CORO2B: variants seen among roughly 807,000 people sequenced by gnomAD.
CORO2B encodes coronin 2B.
A neutral mutation model predicts 58.8 loss-of-function variants in CORO2B; 26 were observed. The observed-to-expected ratio is 0.44, with a 90% CI of 0.32 to 0.61. The LOEUF is 0.61. CORO2B is among the 20% of genes least tolerant of loss of function. CORO2B has a pLI of 0.04. For synonymous variants in CORO2B, 242 were observed against 253.8 expected (o/e 0.95, Z 0.44); for missense variants, 460 against 645.1 (o/e 0.71, Z 3.11).
intron 1 of CORO2B, among the ~76,000 whole-genome samples, chr15:68,609,805 T>C (rs1342863537): frequency 2.0e-5 from 3 of 152,148 alleles, no homozygotes; most frequent in Admixed American, 2.0e-4. Flanking sequence ...ACTGGAGGGC[T>C]GTACAGCAGC....
At chr15:68,573,051 G>A in the CORO2B span, among the ~76,000 whole-genome samples, 11 of 152,114 alleles carry the variant, frequency 7.2e-5, no homozygotes, top group Admixed American at 4.6e-4. Flanking sequence ...AGAGGGGGTC[G>A]GGACCAAGAG....
intron 3 of CORO2B, among the ~76,000 whole-genome samples, chr15:68,701,630 T>C (rs62004273): frequency 0.26 from 39,801 of 150,932 alleles, 5,545 homozygotes; most frequent in African/African-American, 0.34. Flanking sequence ...GGACTACAGG[T>C]GCGCGCCACC....
chr15:68,519,061 A>T, the CORO2B span, among the ~76,000 whole-genome samples: 1 of 152,104 alleles, frequency 6.6e-6, no homozygotes, highest in Non-Finnish European at 1.5e-5. Context: ...GGAGCCCCTG[A>T]CCCAGATGCT....
chr15:68,642,807 G>T (rs1901298719), intron 1 of CORO2B, among the ~76,000 whole-genome samples: 1 of 152,176 alleles, frequency 6.6e-6, no homozygotes, highest in Non-Finnish European at 1.5e-5. Context: ...AGTGAGTCAG[G>T]CCTTAAAGGC....
chr15:68,698,950 AAG>A (rs1424050157), intron 3 of CORO2B, among the ~76,000 whole-genome samples: 1 of 152,068 alleles, frequency 6.6e-6, no homozygotes, highest in Non-Finnish European at 1.5e-5. Context: ...GCACACAGAG[AAG>A]AGAGAGAGAG....
intron 1 of CORO2B, among the ~76,000 whole-genome samples, chr15:68,630,465 G>A (rs1900798640): frequency 6.6e-6 from 1 of 152,104 alleles, no homozygotes; most frequent in East Asian, 1.9e-4. Flanking sequence ...CTAGGCTTGG[G>A]TGGGGCTCTG....
At chr15:68,527,948 A>G in the CORO2B span, among the ~76,000 whole-genome samples, 1 of 152,286 alleles carries the variant, frequency 6.6e-6, no homozygotes, top group South Asian at 2.1e-4. Flanking sequence ...TTGGTAGAGA[A>G]AAACAGCTGA....
At chr15:68,683,663 G>T (rs543781910) in intron 2 of CORO2B, among the ~76,000 whole-genome samples, 122 of 152,174 alleles carry the variant, frequency 8.0e-4, no homozygotes, top group Non-Finnish European at 1.6e-3. Flanking sequence ...CACATTTAAG[G>T]CCTCGAATGC....
At chr15:68,570,019 G>C in the CORO2B span, among the ~76,000 whole-genome samples, 14 of 152,220 alleles carry the variant, frequency 9.2e-5, no homozygotes, top group Non-Finnish European at 1.3e-4. Flanking sequence ...CCTGCAGAGA[G>C]AGGCTACTGT....
chr15:68,646,381 G>T (rs1041296032), intron 2 of CORO2B, among the ~76,000 whole-genome samples: 3 of 152,182 alleles, frequency 2.0e-5, no homozygotes, highest in Admixed American at 6.5e-5. Context: ...AAATCGCTCA[G>T]GGGGAGGAAG....
At chr15:68,599,827 T>C (rs1899936733) in intron 1 of CORO2B, among the ~76,000 whole-genome samples, 1 of 152,212 alleles carries the variant, frequency 6.6e-6, no homozygotes, top group Admixed American at 6.5e-5. Flanking sequence ...TAATCTTGTC[T>C]AATTGTGCTC....
intron 1 of CORO2B, among the ~76,000 whole-genome samples, chr15:68,616,792 G>C (rs1900371915): frequency 6.6e-6 from 1 of 152,226 alleles, no homozygotes; most frequent in African/African-American, 2.4e-5. Flanking sequence ...GGATGGCACA[G>C]TGTGCCAAAC....
chr15:68,569,324 T>C, the CORO2B span, among the ~76,000 whole-genome samples: 2 of 152,226 alleles, frequency 1.3e-5, no homozygotes. Flanking sequence ...TGGCCACCAC[T>C]GATCTTTTCG....
At chr15:68,562,101 C>A in the CORO2B span, among the ~76,000 whole-genome samples, 13 of 152,294 alleles carry the variant, frequency 8.5e-5, no homozygotes, top group Non-Finnish European at 1.2e-4. Context: ...TGTCCTCCAG[C>A]CACCCCTTCC....
At chr15:68,674,649 G>T (rs1363558764) in intron 2 of CORO2B, among the ~76,000 whole-genome samples, 1 of 152,222 alleles carries the variant, frequency 6.6e-6, no homozygotes, top group Non-Finnish European at 1.5e-5. Context: ...CCAGAGAAAG[G>T]CTCGTGGGCA....
At position 68,718,798 on chromosome 15, in the gene CORO2B, C is replaced by T. The variant is rs755154726; in HGVS notation, c.1068C>T (p.Ile356=). ...GCCTGATCGAGCCCATCTCCATGAT[C>T]GTGCCCCGGAGGGTAAGTGGGGCTG... ...LKGLIEPISM[I]VPRRSDSYQE... is the part of the protein sequence containing the mutation. The change falls in exon 9 of 12, where the codon ATC becomes ATT. Residue 356 remains isoleucine, a synonymous_variant. Transcript: ENST00000261861. 13 of 1,613,932 alleles carry T rather than the reference C, an allele frequency of 8.1e-6. No individual in the cohort carries two copies. Among genetic ancestry groups the T allele is most frequent in the East Asian group, 2.2e-5 (1 of 44,868 alleles).
chr15:68,699,251 A>C (rs1892585160), intron 3 of CORO2B, among the ~76,000 whole-genome samples: 1 of 152,142 alleles, frequency 6.6e-6, no homozygotes, highest in Admixed American at 6.6e-5. Flanking sequence ...CAGGGTGAGC[A>C]GCCCAACTTT....
intron 1 of CORO2B, among the ~76,000 whole-genome samples, chr15:68,621,210 G>C (rs778738360): frequency 2.6e-5 from 4 of 152,160 alleles, no homozygotes; most frequent in Non-Finnish European, 4.4e-5. Flanking sequence ...GAGGTGCCAG[G>C]ACCTGTGCTC....
At chr15:68,674,906 G>A (rs1902526164) in intron 2 of CORO2B, among the ~76,000 whole-genome samples, 1 of 152,106 alleles carries the variant, frequency 6.6e-6, no homozygotes, top group Admixed American at 6.5e-5. Context: ...CTCTTTAGGG[G>A]TATTTTTATT....
Sources: gnomAD v4.1 joint callset for allele counts (sites outside exome capture counted in the v4.1 genomes callset) on GRCh38, gnomAD v4.1.1 for gene constraint, MANE v1.5 for transcripts, NCBI Gene and HGNC (gene_info 2026-07-23, HGNC 2026-07-21) for gene names.